The following ST6GALNAC3 variants were observed in gnomAD, a reference collection of about 807,000 sequenced individuals.
ST6GALNAC3 encodes ST6 N-acetylgalactosaminide alpha-2,6-sialyltransferase 3.
ST6GALNAC3 carries 25 observed loss-of-function variants against 32.7 expected under a neutral mutation model. The ratio of observed to expected loss-of-function variants is 0.76; its 90% CI spans 0.56 to 1.07. ST6GALNAC3 has a LOEUF of 1.07. ST6GALNAC3 is among the 50% of genes least tolerant of loss of function. ST6GALNAC3 has a pLI of 0.00. For synonymous variants in ST6GALNAC3, 129 were observed against 133.1 expected, an observed-to-expected ratio of 0.97 and a Z score of 0.21; for missense variants, 355 against 382.4, an observed-to-expected ratio of 0.93 and a Z score of 0.60.
rs144942459 is a variant in ST6GALNAC3 at position 76,595,304 on chromosome 1, G to A, written c.624-32148G>A. Among the ~76,000 whole-genome samples, 1,076 of 152,174 alleles carry A rather than the reference G, an allele frequency of 7.1e-3. 12 individuals are homozygous for A. Among genetic ancestry groups the A allele is most frequent in the Admixed American group, 0.035 (536 of 15,274 alleles). ...AAAGGTCAGTTCCTGGTTAACATAA[G>A]TAAACAAGCCTGTTTACGCTAAATT... On this transcript the variant is annotated intron_variant, in intron 3 of 4. Transcript: ENST00000328299.
chr1:76,309,098 A>T (rs1199653775), intron 1 of ST6GALNAC3, among the ~76,000 whole-genome samples: 1 of 152,094 alleles, frequency 6.6e-6, no homozygotes, highest in African/African-American at 2.4e-5. Flanking sequence ...CCAGACAAAC[A>T]TTCCCTGAAC....
At chr1:76,623,164 G>A (rs1421614935) in intron 3 of ST6GALNAC3, among the ~76,000 whole-genome samples, 1 of 151,918 alleles carries the variant, frequency 6.6e-6, no homozygotes, top group Non-Finnish European at 1.5e-5. Flanking sequence ...CTAGATGAAA[G>A]GTCGTATCTT....
intron 3 of ST6GALNAC3, among the ~76,000 whole-genome samples, chr1:76,462,439 G>A (rs12096789): frequency 0.5 from 76,386 of 151,830 alleles, 22,671 homozygotes; most frequent in African/African-American, 0.84. Flanking sequence ...GCACTTATCT[G>A]TGATCCAAGC....
At chr1:76,191,300 A>C (rs1653880932) in intron 1 of ST6GALNAC3, among the ~76,000 whole-genome samples, 1 of 152,254 alleles carries the variant, frequency 6.6e-6, no homozygotes, top group East Asian at 1.9e-4. Flanking sequence ...GGATTCTAAA[A>C]AAAAAAAAGA....
chr1:76,467,402 A>G (rs542991370), intron 3 of ST6GALNAC3, among the ~76,000 whole-genome samples: 1 of 152,132 alleles, frequency 6.6e-6, no homozygotes, highest in South Asian at 2.1e-4. Flanking sequence ...CTATGCTTGA[A>G]TCAGATCTAT....
chr1:76,386,436 T>C (rs1285611432), intron 2 of ST6GALNAC3, among the ~76,000 whole-genome samples: 1 of 151,900 alleles, frequency 6.6e-6, no homozygotes, highest in African/African-American at 2.4e-5. Flanking sequence ...TTGCTATTAT[T>C]GCGGTTGCTA....
chr1:76,488,804 C>A (rs1353277049), intron 3 of ST6GALNAC3, among the ~76,000 whole-genome samples: 1 of 152,164 alleles, frequency 6.6e-6, no homozygotes, highest in Admixed American at 6.6e-5. Context: ...CCTCTACCTT[C>A]TCTTGTTCTT....
chr1:76,362,610 C>T lies in ST6GALNAC3; in HGVS notation c.213+48611C>T, dbSNP rs146422971. On this transcript the variant is annotated intron_variant, in intron 2 of 4. Coordinates refer to ENST00000328299, the MANE Select transcript of ST6GALNAC3 (RefSeq NM_152996.4). Reference sequence around the variant, plus strand: ...TTCCAAGATACAATGGGGTTATAGACATTGGGTAAATACTCCCATTACAAA... The same window carrying T: ...TTCCAAGATACAATGGGGTTATAGATATTGGGTAAATACTCCCATTACAAA... 2.5e-3 allele frequency among the ~76,000 whole-genome samples: 377 copies of T among 152,342 alleles called. 1 individual carries two copies. The highest frequency in any genetic ancestry group is 4.5e-3 in the Non-Finnish European group (308 of 68,040).
chr1:76,329,098 T>C (rs563801771), intron 2 of ST6GALNAC3, among the ~76,000 whole-genome samples: 21 of 152,200 alleles, frequency 1.4e-4, no homozygotes, highest in Non-Finnish European at 2.5e-4. Context: ...ATGAGGGCAT[T>C]CATCTCTTCA....
intron 3 of ST6GALNAC3, among the ~76,000 whole-genome samples, chr1:76,531,775 T>G (rs1396511206): frequency 6.6e-6 from 1 of 152,170 alleles, no homozygotes; most frequent in African/African-American, 2.4e-5. Context: ...GTTAACTTCA[T>G]GACGTGGGAG....
intron 1 of ST6GALNAC3, among the ~76,000 whole-genome samples, chr1:76,128,743 A>C (rs181047206): frequency 6.6e-6 from 1 of 152,212 alleles, no homozygotes; most frequent in East Asian, 1.9e-4. Context: ...CTGAGATAGC[A>C]CTTTGTCAGG....
intron 1 of ST6GALNAC3, among the ~76,000 whole-genome samples, chr1:76,139,758 C>A (rs1168082880): frequency 2.6e-5 from 4 of 152,154 alleles, no homozygotes; most frequent in Non-Finnish European, 4.4e-5. Context: ...CTGGTTGTGA[C>A]CCTAATCAGC....
intron 2 of ST6GALNAC3, among the ~76,000 whole-genome samples, chr1:76,332,869 T>C (rs1647218170): frequency 6.6e-6 from 1 of 152,170 alleles, no homozygotes; most frequent in Non-Finnish European, 1.5e-5. Flanking sequence ...GGTAAACTCC[T>C]TACCTTCTAG....
chr1:76,491,205 T>C (rs1052681220), intron 3 of ST6GALNAC3, among the ~76,000 whole-genome samples: 1 of 152,088 alleles, frequency 6.6e-6, no homozygotes, highest in Non-Finnish European at 1.5e-5. Context: ...TAGCTGCTAT[T>C]TATAGACCAT....
intron 1 of ST6GALNAC3, among the ~76,000 whole-genome samples, chr1:76,106,225 C>T (rs1038648906): frequency 6.6e-6 from 1 of 152,030 alleles, no homozygotes; most frequent in African/African-American, 2.4e-5. Context: ...GAAATTTTTT[C>T]TTTTAATTAG....
chr1:76,381,371 G>A (rs1211938982), intron 2 of ST6GALNAC3, among the ~76,000 whole-genome samples: 7 of 151,950 alleles, frequency 4.6e-5, no homozygotes, highest in Non-Finnish European at 8.8e-5. Context: ...AGGACTCCTC[G>A]GAATATGACA....
intron 1 of ST6GALNAC3, among the ~76,000 whole-genome samples, chr1:76,296,756 G>T (rs1570730165): frequency 6.6e-6 from 1 of 152,012 alleles, no homozygotes; most frequent in African/African-American, 2.4e-5. Context: ...TTTCAACTCT[G>T]ATGAGAAAGA....
intron 1 of ST6GALNAC3, among the ~76,000 whole-genome samples, chr1:76,252,872 T>C (rs1015659190): frequency 2.0e-5 from 3 of 152,148 alleles, no homozygotes; most frequent in African/African-American, 7.2e-5. Flanking sequence ...GGACCAAGGA[T>C]TGCTGATGAG....
rs563571603 is a variant in ST6GALNAC3 at position 76,358,431 on chromosome 1, TCA to T, written c.213+44434_213+44435del. Reference sequence around the variant, plus strand: ...CTGTATTAAGTCAAAATTCTGGAAGTCACCCTTGACAGCTTCTTCTCCCTTAC... The same window carrying T: ...CTGTATTAAGTCAAAATTCTGGAAGTCCCTTGACAGCTTCTTCTCCCTTAC... On this transcript the variant is annotated intron_variant, in intron 2 of 4. Transcript: ENST00000328299. 2.0e-4 allele frequency among the ~76,000 whole-genome samples: 30 copies of T among 152,278 alleles called. No individual in the cohort carries two copies. In the South Asian group the frequency reaches 2.3e-3, roughly 12 times the overall value.
Sources: allele counts gnomAD v4.1 joint callset (sites outside exome capture counted in the v4.1 genomes callset), GRCh38; gene constraint gnomAD v4.1.1; transcripts MANE v1.5; gene names NCBI Gene and HGNC (gene_info 2026-07-23, HGNC 2026-07-21).